The following TMEM161B variants were observed in gnomAD, a reference collection of about 807,000 sequenced individuals.
TMEM161B encodes transmembrane protein 161B.
TMEM161B carries 34 observed loss-of-function variants against 61.8 expected under a neutral mutation model. That is an observed-to-expected ratio of 0.55 (90% CI 0.42 to 0.73). The LOEUF is 0.73. Ranked by LOEUF, TMEM161B falls within the 30% of genes least tolerant of loss-of-function variation. The pLI is 0.00. For missense variants in TMEM161B, 456 were observed against 558.5 expected (o/e 0.82, Z 1.85); for synonymous variants, 167 against 192.8 (o/e 0.87, Z 1.11).
At chr5:88,188,228 CTGAG>C (rs1748478401), downstream of TMEM161B, among the ~76,000 whole-genome samples, 1 of 152,046 alleles carries the variant, frequency 6.6e-6, no homozygotes, top group Non-Finnish European at 1.5e-5. Flanking sequence ...CCTCAGCCTC[CTGAG>C]TATCTGGGAT....
intron 1 of TMEM161B, among the ~76,000 whole-genome samples, chr5:88,241,760 CCTT>C (rs1377126361): frequency 6.6e-6 from 1 of 151,752 alleles, no homozygotes; most frequent in Non-Finnish European, 1.5e-5. Context: ...CTAATTCAAA[CCTT>C]CTTTCCTCTC....
At chr5:88,212,371 G>T (rs959015811) in intron 5 of TMEM161B, among the ~76,000 whole-genome samples, 4 of 152,066 alleles carry the variant, frequency 2.6e-5, no homozygotes, top group Non-Finnish European at 5.9e-5. Flanking sequence ...AAAAGTCAAG[G>T]ACAAGTAGGA....
At chr5:88,209,929 T>C (rs1746372027) in intron 5 of TMEM161B, among the ~76,000 whole-genome samples, 1 of 152,222 alleles carries the variant, frequency 6.6e-6, no homozygotes, top group Admixed American at 6.5e-5. Context: ...TACTTAACAT[T>C]ACCTTCCCAG....
chr5:88,197,557 T>G, intron 11 of TMEM161B, 112 bp downstream of exon 11: 1 of 947,542 alleles, frequency 1.1e-6, no homozygotes, highest in Non-Finnish European at 1.6e-6. Context: ...TTTTTACAAC[T>G]TTTAAAAAGA....
At chr5:88,226,312 G>C (rs148673948) in intron 3 of TMEM161B, among the ~76,000 whole-genome samples, 4 of 152,274 alleles carry the variant, frequency 2.6e-5, no homozygotes, top group Non-Finnish European at 5.9e-5. Flanking sequence ...TTACGTGTAT[G>C]AGAAATTCAG....
At chr5:88,208,848 T>C (rs1746118504) in intron 5 of TMEM161B, among the ~76,000 whole-genome samples, 2 of 152,224 alleles carry the variant, frequency 1.3e-5, no homozygotes, top group South Asian at 4.1e-4. Context: ...GTGGTACTTT[T>C]AGCAGTAACA....
intron 1 of TMEM161B, among the ~76,000 whole-genome samples, chr5:88,263,950 C>A (rs548641993): frequency 2.6e-5 from 4 of 152,072 alleles, no homozygotes; most frequent in Non-Finnish European, 5.9e-5. Flanking sequence ...CTGAATGTTT[C>A]CTCTAAAAGT....
chr5:88,191,834 G>A (rs1286705406), downstream of TMEM161B, among the ~76,000 whole-genome samples: 2 of 150,372 alleles, frequency 1.3e-5, no homozygotes, highest in Non-Finnish European at 3.0e-5. Context: ...GCGGGCGCCT[G>A]TAGTCCCAGT....
downstream of TMEM161B, chr5:88,195,039 T>C (rs1160662347): frequency 1.8e-5 from 10 of 542,226 alleles, no homozygotes; most frequent in Admixed American, 6.4e-4. Context: ...AAACAAGTCC[T>C]ATTTAACAAA....
downstream of TMEM161B, among the ~76,000 whole-genome samples, chr5:88,187,384 A>G (rs965618601): frequency 6.6e-6 from 1 of 152,086 alleles, no homozygotes; most frequent in African/African-American, 2.4e-5. Flanking sequence ...TATTATTTGG[A>G]TTGTGTTGAA....
chr5:88,221,829 G>A, intron 4 of TMEM161B: 1 of 445,616 alleles, frequency 2.2e-6, no homozygotes, highest in Non-Finnish European at 4.5e-6. Context: ...ATAATAAAAT[G>A]ATCTGCATTG....
chr5:88,260,438 T>A (rs1412039401), intron 1 of TMEM161B, among the ~76,000 whole-genome samples: 1 of 152,156 alleles, frequency 6.6e-6, no homozygotes, highest in Non-Finnish European at 1.5e-5. Context: ...TTTCAAATAG[T>A]CATTTTTAGT....
intron 1 of TMEM161B, among the ~76,000 whole-genome samples, chr5:88,246,966 A>C (rs1259727422): frequency 2.0e-5 from 3 of 152,018 alleles, no homozygotes; most frequent in African/African-American, 7.2e-5. Context: ...CAATGCCTCT[A>C]GGCACTGATT....
intron 4 of TMEM161B, 116 bp from the exon 5 acceptor site, chr5:88,220,835 G>T: frequency 7.8e-7 from 1 of 1,278,658 alleles, no homozygotes. Context: ...GACTTTATTT[G>T]TTCATTTGCA....
chr5:88,211,416 G>GA (rs35803255), intron 5 of TMEM161B, among the ~76,000 whole-genome samples: 77,070 of 147,582 alleles, frequency 0.52, 22,315 homozygotes, highest in East Asian at 0.78. Flanking sequence ...GGAAAAATAA[G>GA]AAAAAAAAAA....
intron 4 of TMEM161B, among the ~76,000 whole-genome samples, chr5:88,222,272 TTGCCC>T (rs1749142607): frequency 6.6e-6 from 1 of 152,124 alleles, no homozygotes; most frequent in Non-Finnish European, 1.5e-5. Context: ...TTTCACTATA[TTGCCC>T]AGGCTGGTCT....
chr5:88,191,402 G>A (rs1454337143), downstream of TMEM161B, among the ~76,000 whole-genome samples: 1 of 152,126 alleles, frequency 6.6e-6, no homozygotes, highest in Non-Finnish European at 1.5e-5. Context: ...GCTCTTGGAG[G>A]GAAGAGATTT....
chr5:88,199,285 T>A lies in TMEM161B; in HGVS notation c.915-135A>T, dbSNP rs904600630. ...AGTTAGACACATAAAAGAATCTGAC[T>A]CTGCCATAGACTTAACTGTATAATA... On this transcript the variant is annotated intron_variant, in intron 9 of 11. Coordinates refer to ENST00000296595, the MANE Select transcript of TMEM161B (RefSeq NM_153354.5). The A allele has an allele frequency of 4.1e-5, 32 of 780,280 alleles. No individual in the cohort carries two copies. In the African/African-American group the frequency reaches 5.5e-4, roughly 13 times the overall value. 48.3% of individuals were successfully genotyped at this position (780,280 alleles called of 1,614,324 possible).
intron 1 of TMEM161B, among the ~76,000 whole-genome samples, chr5:88,263,175 T>C (rs535806027): frequency 1.3e-4 from 20 of 151,952 alleles, no homozygotes; most frequent in Non-Finnish European, 4.4e-5. Flanking sequence ...TATCTATGCA[T>C]CCAAATTTGC....
Sources: gnomAD v4.1 joint callset for allele counts (sites outside exome capture counted in the v4.1 genomes callset) on GRCh38, gnomAD v4.1.1 for gene constraint, MANE v1.5 for transcripts, NCBI Gene and HGNC (gene_info 2026-07-23, HGNC 2026-07-21) for gene names.